SNX32: variants seen among roughly 807,000 people sequenced by gnomAD.
SNX32 encodes the protein sorting nexin 32, also known as sorting nexin-32.
A neutral mutation model predicts 57.0 loss-of-function variants in SNX32; 58 were observed. That is an observed-to-expected ratio of 1.02 (90% confidence interval 0.82 to 1.27). The LOEUF (loss-of-function observed/expected upper bound fraction) is 1.27, where lower values mean the gene tolerates loss of function less well. Ranked by LOEUF, SNX32 falls within the 50% of genes most tolerant of loss-of-function variation. The pLI is 0.00. For synonymous variants in SNX32, 262 were observed against 220.4 expected (o/e 1.19, Z -1.67); for missense variants, 589 against 541.2 (o/e 1.09, Z -0.88).
chr11:65,851,236 A>G (rs767412197), intron 7 of SNX32, 76 bp downstream of exon 7: 2 of 1,599,804 alleles, frequency 1.3e-6, no homozygotes, highest in Non-Finnish European at 1.7e-6. Context: ...GAGAGAAGAG[A>G]GCAGGGCGTG....
At chr11:65,834,349 CTGTGTGTCTGTG>C (rs1565243099) in intron 1 of SNX32, among the ~76,000 whole-genome samples, 2 of 149,744 alleles carry the variant, frequency 1.3e-5, no homozygotes, top group African/African-American at 4.9e-5. Flanking sequence ...CTCTGTGTGT[CTGTGTGTCTGTG>C]TGTGTCTCAG....
At position 65,849,486 on chromosome 11, in the gene SNX32, T is replaced by A. The variant is rs1388643039; in HGVS notation, c.45T>A (p.Cys15Ter). 6.2e-7 allele frequency: 1 copy of A among 1,611,214 alleles called. No individual in the cohort carries two copies. Among genetic ancestry groups the A allele is most frequent in the Non-Finnish European group, 8.5e-7 (1 of 1,178,278 alleles). The change falls in exon 2 of 13, where the codon TGT (cysteine) becomes TGA (stop). Residue 15 changes from cysteine (C) to a stop codon, truncating the protein, a stop_gained. Coordinates refer to ENST00000308342, the MANE Select transcript of SNX32 (RefSeq NM_152760.3). LOFTEE classifies it high-confidence loss of function. ...AEVGKEGKPS[C>*]ASVDLQGDSS... ...CCTCCCCTCCTCCGCAGCCTTCCTG[T>A]GCATCGGTGGATCTGCAGGGAGACA...
intron 1 of SNX32, among the ~76,000 whole-genome samples, chr11:65,845,135 TAAAAAAAAAAAA>T (rs766803127): frequency 2.0e-5 from 2 of 101,966 alleles, no homozygotes; most frequent in Non-Finnish European, 3.9e-5. Context: ...CCCCCTGCTT[TAAAAAAAAAAAA>T]AAAAAAAAAA....
intron 1 of SNX32, among the ~76,000 whole-genome samples, chr11:65,844,684 C>T (rs1043321613): frequency 3.9e-5 from 6 of 152,126 alleles, no homozygotes; most frequent in African/African-American, 1.2e-4. Context: ...CCTCAAAAGA[C>T]GGCTGGGCGT....
At chr11:65,851,749 G>A (rs1240553333) in intron 9 of SNX32, 70 bp downstream of exon 9, 8 of 1,536,144 alleles carry the variant, frequency 5.2e-6, no homozygotes, top group Non-Finnish European at 7.2e-6. Flanking sequence ...CCTGGCAGAG[G>A]GAAGAGCTCC....
At chr11:65,853,028 C>G (rs1859268351) in intron 12 of SNX32, 70 bp downstream of exon 12, 1 of 1,535,438 alleles carries the variant, frequency 6.5e-7, no homozygotes, top group East Asian at 2.2e-5. Context: ...CCCCCAGGCA[C>G]CAGGGTGTGC....
In SNX32 at chr11:65,852,910, T is replaced by C. The variant is rs749207469; in HGVS notation, c.1110T>C (p.Phe370=). ...MDFKSRRVSS[F]RKNLIELAEL... is the part of the protein sequence containing the mutation. ...TCAAGTCCCGCCGGGTCTCCTCTTT[T>C]CGAAAGAATCTCATTGAGCTGGCAG... Residue 370 remains phenylalanine, a synonymous_variant, in exon 12 of 13, where the codon TTT becomes TTC. Transcript: ENST00000308342. 2 of 1,614,020 alleles carry C rather than the reference T, an allele frequency of 1.2e-6. No homozygotes were observed. The highest frequency in any genetic ancestry group is 3.3e-5 in the Admixed American group (2 of 60,026).
At chr11:65,848,949 C>T (rs1859078022) in intron 1 of SNX32, among the ~76,000 whole-genome samples, 1 of 152,020 alleles carries the variant, frequency 6.6e-6, no homozygotes, top group Admixed American at 6.6e-5. Flanking sequence ...TTGAGACCAG[C>T]CTGACCAAAC....
At position 65,852,547 on chromosome 11, in the gene SNX32, C is replaced by T. The variant is rs1859235410; in HGVS notation, c.908C>T (p.Ala303Val). 3 of 1,614,204 alleles carry T rather than the reference C, an allele frequency of 1.9e-6. No individual in the cohort carries two copies. The South Asian group carries it at 3.3e-5, about 18-fold the overall frequency. ...TACTACATGCGTGACTCACAGGCAG[C>T]CAAGGTGAGAGGCAGCCCCAGCGCA... ...LRYYMRDSQAAKDLLYRRLRA... is the reference protein window; with the variant it reads ...LRYYMRDSQAVKDLLYRRLRA... Residue 303 changes from alanine (A) to valine (V), a missense_variant, in exon 10 of 13, where the codon GCC (alanine) becomes GTC (valine). Transcript: ENST00000308342.
chr11:65,844,642 GC>G (rs1489083342), intron 1 of SNX32, among the ~76,000 whole-genome samples: 1 of 152,100 alleles, frequency 6.6e-6, no homozygotes, highest in African/African-American at 2.4e-5. Context: ...CAATTCTCAT[GC>G]CCAACAGAAA....
At chr11:65,851,503 G>A (rs2134700916) in intron 8 of SNX32, 100 bp downstream of exon 8, 5 of 1,516,478 alleles carry the variant, frequency 3.3e-6, no homozygotes, top group Non-Finnish European at 4.6e-6. Flanking sequence ...CTCTAGGTGG[G>A]AGGTGTAGGC....
chr11:65,842,965 A>G (rs1367384738), intron 1 of SNX32, among the ~76,000 whole-genome samples: 2 of 148,798 alleles, frequency 1.3e-5, no homozygotes, highest in African/African-American at 2.5e-5. Flanking sequence ...AAAAAAAAAA[A>G]AAAAAAAGAA....
intron 1 of SNX32, among the ~76,000 whole-genome samples, chr11:65,839,845 C>T (rs547904801): frequency 1.2e-4 from 18 of 151,988 alleles, no homozygotes; most frequent in African/African-American, 4.3e-4. Flanking sequence ...GCAAATCAAT[C>T]AATGAAATTC....
Position 65,850,512 on chromosome 11 carries a change from T to C in SNX32, c.456T>C (p.Arg152=). The C allele has an allele frequency of 6.2e-7, 1 of 1,613,538 alleles. No homozygotes were observed. The highest frequency in any genetic ancestry group is 8.5e-7 in the Non-Finnish European group (1 of 1,179,788). Residue 152 remains arginine (R), a synonymous_variant, in exon 5 of 13, where the codon CGT becomes CGC. Coordinates refer to ENST00000308342, the MANE Select transcript of SNX32 (RefSeq NM_152760.3). The part of the protein sequence containing the change: ...LQRLAAHPTL[R]RDHNFFVFLE... The stretch of plus-strand genomic sequence containing the variant: ...GCCTGGCGGCCCACCCCACCCTGCG[T>C]CGAGACCACAACTTCTTTGTGTTTT...
intron 1 of SNX32, among the ~76,000 whole-genome samples, chr11:65,839,784 A>G (rs1858790245): frequency 1.3e-5 from 2 of 152,092 alleles, no homozygotes; most frequent in African/African-American, 4.8e-5. Context: ...TAAAAGGATA[A>G]TACTTCATGA....
chr11:65,851,901 G>A (rs555966042), intron 9 of SNX32, among the ~76,000 whole-genome samples: 1 of 152,250 alleles, frequency 6.6e-6, no homozygotes, highest in East Asian at 1.9e-4. Context: ...GCACATGTAT[G>A]CACGTGTGCA....
At chr11:65,840,827 A>G (rs1858819881) in intron 1 of SNX32, among the ~76,000 whole-genome samples, 1 of 152,066 alleles carries the variant, frequency 6.6e-6, no homozygotes, top group Non-Finnish European at 1.5e-5. Flanking sequence ...GAATCTACAA[A>G]CGATTAAATT....
chr11:65,834,163 C>A, intron 1 of SNX32, 62 bp downstream of exon 1: 1 of 1,487,842 alleles, frequency 6.7e-7, no homozygotes, highest in East Asian at 2.5e-5. Flanking sequence ...CCCGTGATGC[C>A]CAATCATGCG....
intron 1 of SNX32, among the ~76,000 whole-genome samples, chr11:65,834,438 T>C (rs1460185349): frequency 1.3e-5 from 2 of 150,524 alleles, no homozygotes; most frequent in Non-Finnish European, 3.0e-5. Context: ...CGTGTCTCTG[T>C]GTGTGTGTGT....
Sources: allele counts gnomAD v4.1 joint callset (sites outside exome capture counted in the v4.1 genomes callset), GRCh38; gene constraint gnomAD v4.1.1; transcripts MANE v1.5; gene names NCBI Gene and HGNC (gene_info 2026-07-23, HGNC 2026-07-21).